SGK3: variants seen among roughly 807,000 people sequenced by gnomAD.
SGK3 encodes the protein serine/threonine-protein kinase Sgk3.
In SGK3, 47 loss-of-function variants were observed where a neutral mutation model predicts 68.5. The ratio of observed to expected loss-of-function variants is 0.69; its 90% CI spans 0.54 to 0.87. The LOEUF is 0.87. Ranked by LOEUF, SGK3 falls within the 40% of genes least tolerant of loss-of-function variation. SGK3 has a pLI of 0.00. For missense variants in SGK3, 479 were observed against 575.5 expected (o/e 0.83, Z 1.72); for synonymous variants, 181 against 189.1 (o/e 0.96, Z 0.35).
intron 5 of SGK3, among the ~76,000 whole-genome samples, chr8:66,819,879 A>AC (rs1215813650): frequency 1.3e-5 from 2 of 151,000 alleles, no homozygotes; most frequent in African/African-American, 4.9e-5. Context: ...GTGCAATGGC[A>AC]CCATCTTGGC....
At chr8:66,751,245 TG>T (rs550119822) in intron 1 of SGK3, among the ~76,000 whole-genome samples, 280 of 152,270 alleles carry the variant, frequency 1.8e-3, no homozygotes, top group African/African-American at 6.4e-3. Flanking sequence ...AGAGGAGTTG[TG>T]GGAAAGCGTC....
At chr8:66,793,912 A>G in intron 2 of SGK3, 80 bp downstream of exon 2, 1 of 1,431,526 alleles carries the variant, frequency 7.0e-7, no homozygotes, top group Non-Finnish European at 9.6e-7. Flanking sequence ...TCTCCAACCT[A>G]GAACACCCCC....
intron 5 of SGK3, among the ~76,000 whole-genome samples, chr8:66,818,654 T>C (rs543228256): frequency 5.3e-5 from 8 of 152,330 alleles, no homozygotes; most frequent in Non-Finnish European, 8.8e-5. Context: ...TTTTGAACTT[T>C]ATATAAATGG....
At chr8:66,775,128 T>C (rs938423392) in intron 1 of SGK3, 5 of 152,370 alleles carry the variant, frequency 3.3e-5, no homozygotes, top group African/African-American at 1.2e-4. Flanking sequence ...GACCGAGCCA[T>C]ATTCGGGCGT....
chr8:66,748,462 G>C (rs1000373498), intron 1 of SGK3, among the ~76,000 whole-genome samples: 3 of 152,150 alleles, frequency 2.0e-5, no homozygotes, highest in Admixed American at 2.0e-4. Flanking sequence ...TTATAAATAT[G>C]TCAAGCCTTG....
chr8:66,781,427 C>A lies in SGK3; in HGVS notation c.-121-12189C>A, dbSNP rs139534905. Among the ~76,000 whole-genome samples, 19 of 152,322 alleles carry A rather than the reference C, an allele frequency of 1.2e-4. 1 individual carries two copies. The East Asian group carries it at 3.7e-3, about 29-fold the overall frequency. ...ACATTGGTGCAATCATAGCTCACTG[C>A]AGCCTCAAACTCCTGGCCTCAAGCT... On this transcript the variant is annotated intron_variant, in intron 1 of 16. Coordinates refer to ENST00000521198, the MANE Select transcript of SGK3 (RefSeq NM_001033578.3).
At chr8:66,857,896 C>CT (rs1194987659) in intron 16 of SGK3, among the ~76,000 whole-genome samples, 2 of 151,240 alleles carry the variant, frequency 1.3e-5, no homozygotes, top group African/African-American at 4.9e-5. Context: ...AAGTTAACCA[C>CT]TGCCTTTGAG....
In SGK3 at chr8:66,860,457, A is replaced by G. The variant is rs1395942106; in HGVS notation, c.*876A>G. The G allele has an allele frequency of 1.3e-5, 2 of 149,708 alleles. No individual in the cohort carries two copies. Among genetic ancestry groups the G allele is most frequent in the Non-Finnish European group, 3.0e-5 (2 of 67,176 alleles). 9.3% of individuals were successfully genotyped at this position (149,708 alleles called of 1,614,324 possible). A position where few individuals can be genotyped will look rare whatever the true frequency, so the allele number is the denominator to read the frequency against. ...CAACAAGAGTGAAACTCCATCTCCA[A>G]AAAAAAAAAGAAAAAGTAACAAAAG... On this transcript the variant is annotated 3_prime_UTR_variant, in exon 17 of 17. Coordinates refer to ENST00000521198, the MANE Select transcript of SGK3 (RefSeq NM_001033578.3).
intron 3 of SGK3, among the ~76,000 whole-genome samples, chr8:66,803,569 A>C (rs551941087): frequency 5.9e-5 from 9 of 152,224 alleles, no homozygotes; most frequent in Admixed American, 4.6e-4. Flanking sequence ...ACTCATTTTT[A>C]TGACTTAACT....
chr8:66,804,491 G>A, intron 4 of SGK3, 44 bp downstream of exon 4: 2 of 1,584,638 alleles, frequency 1.3e-6, no homozygotes, highest in Non-Finnish European at 1.7e-6. Context: ...GATTGTTGAA[G>A]TTTGAAGAAG....
At chr8:66,722,135 A>C (rs1260919290) in intron 1 of SGK3, among the ~76,000 whole-genome samples, 1 of 152,206 alleles carries the variant, frequency 6.6e-6, no homozygotes, top group Non-Finnish European at 1.5e-5. Context: ...TACCAACTTC[A>C]GCTCGCCTGT....
At chr8:66,811,749 G>A (rs1808389728) in intron 4 of SGK3, among the ~76,000 whole-genome samples, 1 of 152,196 alleles carries the variant, frequency 6.6e-6, no homozygotes, top group South Asian at 2.1e-4. Flanking sequence ...ACAATTTAAA[G>A]CTGTTTCCAT....
At chr8:66,847,061 C>A (rs1810060017) in intron 14 of SGK3, 132 bp from the exon 15 acceptor site, 1 of 1,260,746 alleles carries the variant, frequency 7.9e-7, no homozygotes, top group Non-Finnish European at 1.1e-6. Flanking sequence ...AGCCACACTG[C>A]AGGTGTCTAC....
At chr8:66,740,527 G>A (rs1367487149) in intron 1 of SGK3, among the ~76,000 whole-genome samples, 1 of 152,176 alleles carries the variant, frequency 6.6e-6, no homozygotes, top group Non-Finnish European at 1.5e-5. Flanking sequence ...TATTTGTTGA[G>A]CTAATGAATA....
intron 7 of SGK3, 103 bp from the exon 8 acceptor site, chr8:66,831,151 T>G: frequency 2.2e-6 from 3 of 1,381,682 alleles, no homozygotes; most frequent in Non-Finnish European, 3.0e-6. Flanking sequence ...TGAAGTGTTT[T>G]GTGCCTAACA....
chr8:66,768,573 T>G (rs186299038), intron 1 of SGK3, among the ~76,000 whole-genome samples: 74 of 152,286 alleles, frequency 4.9e-4, no homozygotes, highest in Non-Finnish European at 8.2e-4. Context: ...TTTATTTATT[T>G]ATTTATTTTG....
chr8:66,806,941 A>G (rs1808194077), intron 4 of SGK3, among the ~76,000 whole-genome samples: 1 of 152,210 alleles, frequency 6.6e-6, no homozygotes, highest in Non-Finnish European at 1.5e-5. Flanking sequence ...GTTGAAAAGC[A>G]TCTTCATGGG....
chr8:66,847,499 C>T, intron 15 of SGK3, 151 bp downstream of exon 15: 2 of 1,279,556 alleles, frequency 1.6e-6, no homozygotes, highest in Admixed American at 5.7e-5. Flanking sequence ...ACAGTTTTCA[C>T]CTGTATTTAT....
chr8:66,714,897 G>T (rs957900480), intron 1 of SGK3, among the ~76,000 whole-genome samples: 1 of 152,204 alleles, frequency 6.6e-6, no homozygotes, highest in Non-Finnish European at 1.5e-5. Context: ...TGTGTGGACA[G>T]TGCCTGGCAC....
Sources: gnomAD v4.1 joint callset for allele counts (sites outside exome capture counted in the v4.1 genomes callset) on GRCh38, gnomAD v4.1.1 for gene constraint, MANE v1.5 for transcripts, NCBI Gene and HGNC (gene_info 2026-07-23, HGNC 2026-07-21) for gene names.